Variants in PIP5K1C observed in about 807,000 individuals in gnomAD.
PIP5K1C encodes the protein phosphatidylinositol-4-phosphate 5-kinase type 1 gamma, also known as phosphatidylinositol 4-phosphate 5-kinase type-1 gamma.
PIP5K1C carries 45 observed loss-of-function variants against 80.1 expected under a neutral mutation model. That is an observed-to-expected ratio of 0.56 (90% CI 0.44 to 0.72). The LOEUF (loss-of-function observed/expected upper bound fraction) is 0.72, where lower values mean the gene tolerates loss of function less well. Among genes scored for constraint, PIP5K1C ranks in the 30% least tolerant of loss-of-function variants. The pLI, the probability that PIP5K1C is intolerant of heterozygous loss-of-function variation, is 0.00. For synonymous variants in PIP5K1C, 498 were observed against 420.1 expected, an observed-to-expected ratio of 1.19 and a Z score of -2.27; for missense variants, 753 against 954.6, an observed-to-expected ratio of 0.79 and a Z score of 2.78.
chr19:3,642,839 G>T, intron 14 of PIP5K1C, 68 bp downstream of exon 14: 1 of 1,313,134 alleles, frequency 7.6e-7, no homozygotes, highest in South Asian at 1.2e-5. Flanking sequence ...TGGGGGGCGG[G>T]AAACGGAGCT....
intron 14 of PIP5K1C, 146 bp downstream of exon 14, chr19:3,642,761 G>T: frequency 1.4e-6 from 1 of 717,184 alleles, no homozygotes. Context: ...GATTGTGTGC[G>T]GTGCTAGGGC....
rs146160688 is a variant in PIP5K1C, at chr19:3,640,682, C to G, written c.1787+1023G>C. Among the ~76,000 whole-genome samples, 295 of 151,628 alleles carry G rather than the reference C, an allele frequency of 1.9e-3. 1 individual carries two copies. The highest frequency in any genetic ancestry group is 6.2e-3 in the African/African-American group (256 of 41,398). ...TTGGGAGGCCAAGGTGGGCAGATCA[C>G]TCGAGGTCAGTTTTTTTTTTTTTAG... On this transcript the variant is annotated intron_variant, in intron 15 of 17. Transcript: ENST00000335312.
chr19:3,648,881 C>G lies in PIP5K1C; in HGVS notation c.1128-173G>C, dbSNP rs940263545. On this transcript the variant is annotated intron_variant, in intron 8 of 17. Transcript: ENST00000335312. The surrounding 1 kb of genome is among the most constrained non-coding windows in gnomAD (Gnocchi z 4.3). The stretch of plus-strand genomic sequence containing the variant: ...AACCTCTGTCCTGACATCCCTCCAT[C>G]ACCCCCAGCCTCAAACCCAGGCCCA... Among the ~76,000 whole-genome samples, 1 of 152,106 alleles carries G rather than the reference C, an allele frequency of 6.6e-6. No homozygotes were observed. Among genetic ancestry groups the G allele is most frequent in the East Asian group, 1.9e-4 (1 of 5,178 alleles).
intron 1 of PIP5K1C, among the ~76,000 whole-genome samples, chr19:3,697,246 C>T (rs1224611913): frequency 3.3e-5 from 4 of 120,748 alleles, no homozygotes; most frequent in African/African-American, 6.5e-5. Context: ...GAGCTGGACC[C>T]GGGAGGACCG....
chr19:3,675,681 C>A (rs923437312), intron 1 of PIP5K1C, among the ~76,000 whole-genome samples: 1 of 152,152 alleles, frequency 6.6e-6, no homozygotes, highest in South Asian at 2.1e-4. Flanking sequence ...CACATGCAAA[C>A]GGCTTGGGGG....
rs143660119 is a variant in PIP5K1C, at chr19:3,668,768, G to A, written c.95-1415C>T. 3.9e-4 allele frequency among the ~76,000 whole-genome samples: 60 copies of A among 152,286 alleles called. 2 individuals are homozygous for A. The Middle Eastern group carries it at 0.01, about 26-fold the overall frequency. The stretch of plus-strand genomic sequence containing the variant: ...TGATGTGGGGTGACAGGCGGGGTGC[G>A]GATCAGCAAGGGGGGGCTTCCCTGG... On this transcript the variant is annotated intron_variant, in intron 1 of 17. Transcript: ENST00000335312.
chr19:3,634,624 C>A (rs1238800327), intron 16 of PIP5K1C, among the ~76,000 whole-genome samples: 1 of 152,250 alleles, frequency 6.6e-6, no homozygotes, highest in African/African-American at 2.4e-5. Context: ...CCACCTGCTG[C>A]CCAGGCCAAC....
At chr19:3,674,967 G>A (rs554695897) in intron 1 of PIP5K1C, among the ~76,000 whole-genome samples, 3 of 152,308 alleles carry the variant, frequency 2.0e-5, no homozygotes, top group Admixed American at 6.5e-5. Flanking sequence ...CCTTGAAGAC[G>A]TCACACTCAG....
rs2033470703 is a variant in PIP5K1C, at chr19:3,631,587, G to A, written c.*1580C>T. ...GCCACGCGGCTGGCCGGTTCCCGAG[G>A]AGGGTCGGCCCCTCTCCTGGGCAGA... On this transcript the variant is annotated 3_prime_UTR_variant, in exon 18 of 18. Coordinates refer to ENST00000335312, the MANE Select transcript of PIP5K1C (RefSeq NM_012398.3). 1 of 152,328 alleles carries A rather than the reference G, an allele frequency of 6.6e-6. No individual in the cohort carries two copies. The highest frequency in any genetic ancestry group is 2.1e-4 in the South Asian group (1 of 4,834). The allele number at this position is 152,328 out of a possible 1,614,324, so 9.4% of individuals were successfully genotyped here.
rs778635724 is a variant in PIP5K1C at position 3,653,422 on chromosome 19, G to A, written c.789C>T (p.Ala263=). The A allele has an allele frequency of 1.2e-6, 2 of 1,613,442 alleles. No homozygotes were observed. Among genetic ancestry groups the A allele is most frequent in the Non-Finnish European group, 1.7e-6 (2 of 1,180,032 alleles). ...DLKGSTYKRR[A]SKKEKEKSFP... ...AGCTCTTCTCCTTCTCCTTCTTGCT[G>A]GCGCGCCGCTTGTAGGTGGAGCCCT... The change falls in exon 7 of 18, where the codon GCC becomes GCT. Residue 263 remains alanine, a synonymous_variant. Coordinates refer to ENST00000335312, the MANE Select transcript of PIP5K1C (RefSeq NM_012398.3).
chr19:3,636,838 C>T (rs1233530650), intron 16 of PIP5K1C: 2 of 991,356 alleles, frequency 2.0e-6, no homozygotes, highest in Non-Finnish European at 1.2e-6. Context: ...CGGTGCTGGG[C>T]AGGTCTCTTA....
intron 1 of PIP5K1C, among the ~76,000 whole-genome samples, chr19:3,689,087 C>T (rs925486420): frequency 3.3e-5 from 5 of 152,156 alleles, no homozygotes; most frequent in South Asian, 2.1e-4. Context: ...GGTGCAATCA[C>T]GGCTCACTGC....
intron 1 of PIP5K1C, among the ~76,000 whole-genome samples, chr19:3,674,497 G>A (rs1427056485): frequency 1.3e-5 from 2 of 151,632 alleles, no homozygotes; most frequent in African/African-American, 4.9e-5. Context: ...TGCAGATCTC[G>A]GCTCACTACA....
At chr19:3,676,716 A>G (rs1454683315) in intron 1 of PIP5K1C, among the ~76,000 whole-genome samples, 1 of 152,234 alleles carries the variant, frequency 6.6e-6, no homozygotes, top group Non-Finnish European at 1.5e-5. Flanking sequence ...CCATCTCCGA[A>G]TCCAGAAAAA....
At chr19:3,665,432 A>G (rs2034975156) in intron 2 of PIP5K1C, among the ~76,000 whole-genome samples, 1 of 151,960 alleles carries the variant, frequency 6.6e-6, no homozygotes, top group African/African-American at 2.4e-5. Context: ...TATGCAAATC[A>G]CATCTCAGTA....
chr19:3,687,616 C>A (rs565752985), intron 1 of PIP5K1C, among the ~76,000 whole-genome samples: 1 of 151,790 alleles, frequency 6.6e-6, no homozygotes, highest in Non-Finnish European at 1.5e-5. Flanking sequence ...CGCACACACA[C>A]GCACAGGCCC....
rs2033721001 is a variant in PIP5K1C, at chr19:3,637,150, CG to C, written c.1920+1733del. 4.3e-6 allele frequency: 6 copies of C among 1,402,036 alleles called. No individual in the cohort carries two copies. In the Admixed American group the frequency reaches 1.8e-4, roughly 42 times the overall value. The allele number at this position is 1,402,036 out of a possible 1,614,324, so 86.8% of individuals were successfully genotyped here. On this transcript the variant is annotated intron_variant, in intron 16 of 17. Coordinates refer to ENST00000335312, the MANE Select transcript of PIP5K1C (RefSeq NM_012398.3). The surrounding 1 kb of genome is among the most constrained non-coding windows in gnomAD (Gnocchi z 7.0). ...CTCCCCTGTGCAGCCAGCGGGGCCACGGGCAGCCAGGTCTGCACGAGTGAGA... is the reference window on the plus strand; with the variant it reads ...CTCCCCTGTGCAGCCAGCGGGGCCACGGCAGCCAGGTCTGCACGAGTGAGA...
Position 3,648,372 on chromosome 19 carries a change from G to A in PIP5K1C, c.1211+253C>T, listed in dbSNP as rs921219177. ...ACACCTTCCCTTTAGGGCTCAAGAA[G>A]GGGCAGCCAAGCAAGAGCTTTCCAG... On this transcript the variant is annotated intron_variant, in intron 9 of 17. Transcript: ENST00000335312. This position sits in a 1 kb window ranked among gnomAD's most constrained non-coding sequence, Gnocchi z 4.3. Among the ~76,000 whole-genome samples, 1 of 152,220 alleles carries A rather than the reference G, an allele frequency of 6.6e-6. No individual in the cohort carries two copies. Among genetic ancestry groups the A allele is most frequent in the African/African-American group, 2.4e-5 (1 of 41,444 alleles).
chr19:3,664,811 A>T lies in PIP5K1C; in HGVS notation c.219+11T>A. 1 of 1,608,524 alleles carries T rather than the reference A, an allele frequency of 6.2e-7. No individual in the cohort carries two copies. The highest frequency in any genetic ancestry group is 8.5e-7 in the Non-Finnish European group (1 of 1,175,898). On this transcript the variant is annotated intron_variant, in intron 3 of 17. Transcript: ENST00000335312. ...CCGCTCCCTCCAGCCAGCTAAGGGG[A>T]GCCGAGGAACCTTCTTGTAGGTGGT...
Sources: gnomAD v4.1 joint callset for allele counts (sites outside exome capture counted in the v4.1 genomes callset) on GRCh38, gnomAD v4.1.1 for gene constraint, Gnocchi (gnomAD v3.1) non-coding constraint, MANE v1.5 for transcripts, NCBI Gene and HGNC (gene_info 2026-07-23, HGNC 2026-07-21) for gene names.